RSU1: variants seen among roughly 807,000 people sequenced by gnomAD.
The protein encoded by RSU1 is rsu-1.
In RSU1, 26 loss-of-function variants were observed where a neutral mutation model predicts 31.1. The ratio of observed to expected loss-of-function variants is 0.84; its 90% CI spans 0.61 to 1.16. The LOEUF is 1.16. Among genes scored for constraint, RSU1 ranks in the 50% most tolerant of loss-of-function variants. RSU1 has a pLI of 0.00. For missense variants in RSU1, 320 were observed against 339.1 expected (o/e 0.94, Z 0.44); for synonymous variants, 164 against 136.3 (o/e 1.20, Z -1.41).
At chr10:16,693,980 T>C (rs967252151) in intron 8 of RSU1, among the ~76,000 whole-genome samples, 1 of 152,212 alleles carries the variant, frequency 6.6e-6, no homozygotes, top group African/African-American at 2.4e-5. Flanking sequence ...AAAATTATAC[T>C]AGATCTCAGC....
At chr10:16,614,380 T>A (rs1833941313) in intron 8 of RSU1, among the ~76,000 whole-genome samples, 1 of 151,532 alleles carries the variant, frequency 6.6e-6, no homozygotes, top group African/African-American at 2.4e-5. Flanking sequence ...AGTAGGGGGC[T>A]GGGAGGAAAA....
intron 8 of RSU1, among the ~76,000 whole-genome samples, chr10:16,652,321 T>C (rs928784254): frequency 3.4e-5 from 5 of 145,378 alleles, no homozygotes; most frequent in Non-Finnish European, 7.4e-5. Flanking sequence ...AGGAGGCTGA[T>C]TGAGAAAGAC....
chr10:16,793,523 G>C (rs1303965057), intron 2 of RSU1, among the ~76,000 whole-genome samples: 1 of 152,144 alleles, frequency 6.6e-6, no homozygotes, highest in Non-Finnish European at 1.5e-5. Flanking sequence ...TTAAATTATG[G>C]AGCCCACATC....
intron 8 of RSU1, among the ~76,000 whole-genome samples, chr10:16,616,899 A>G (rs939704150): frequency 2.6e-5 from 4 of 152,152 alleles, no homozygotes; most frequent in South Asian, 2.1e-4. Context: ...ACTCTAGCCA[A>G]TATCATACTG....
intron 2 of RSU1, among the ~76,000 whole-genome samples, chr10:16,794,560 G>A (rs1157247590): frequency 6.6e-6 from 1 of 152,116 alleles, no homozygotes. Context: ...TAGAATGTTG[G>A]AGCCAAAGGA....
intron 7 of RSU1, among the ~76,000 whole-genome samples, chr10:16,733,481 T>A (rs1836559407): frequency 6.6e-6 from 1 of 151,918 alleles, no homozygotes; most frequent in Admixed American, 6.6e-5. Context: ...GCACTCCAGC[T>A]TGGGTGACAG....
chr10:16,677,178 G>C (rs1361622079), intron 8 of RSU1, among the ~76,000 whole-genome samples: 2 of 152,124 alleles, frequency 1.3e-5, no homozygotes, highest in East Asian at 3.9e-4. Flanking sequence ...AAGCAACATG[G>C]AAAATGAGAC....
chr10:16,613,863 C>T (rs1833933423), intron 8 of RSU1, among the ~76,000 whole-genome samples: 2 of 150,114 alleles, frequency 1.3e-5, no homozygotes, highest in Non-Finnish European at 3.0e-5. Context: ...CTGGTGAGTG[C>T]AGAAGACTAA....
At chr10:16,804,980 T>C (rs1838235777) in intron 2 of RSU1, among the ~76,000 whole-genome samples, 1 of 152,170 alleles carries the variant, frequency 6.6e-6, no homozygotes, top group Non-Finnish European at 1.5e-5. Context: ...CTATAAGCTT[T>C]AGTTAATAAT....
chr10:16,616,226 C>G (rs1464423796), intron 8 of RSU1, among the ~76,000 whole-genome samples: 1 of 151,896 alleles, frequency 6.6e-6, no homozygotes, highest in African/African-American at 2.4e-5. Context: ...CTATAAACAC[C>G]TCTACTAAAA....
chr10:16,727,554 A>G (rs1836424160), intron 7 of RSU1, among the ~76,000 whole-genome samples: 2 of 152,132 alleles, frequency 1.3e-5, no homozygotes, highest in Non-Finnish European at 2.9e-5. Flanking sequence ...AAAATATACA[A>G]AATGTCCAAC....
At chr10:16,678,035 G>A (rs1028552500) in intron 8 of RSU1, among the ~76,000 whole-genome samples, 2 of 152,050 alleles carry the variant, frequency 1.3e-5, no homozygotes, top group Admixed American at 6.6e-5. Context: ...AATCCGAAGC[G>A]CATTTCCATC....
chr10:16,750,020 C>G (rs1158255452), intron 7 of RSU1, among the ~76,000 whole-genome samples: 2 of 152,184 alleles, frequency 1.3e-5, no homozygotes, highest in African/African-American at 2.4e-5. Context: ...GCAACCAACT[C>G]TCTCTATGCC....
intron 7 of RSU1, among the ~76,000 whole-genome samples, chr10:16,733,333 TAAAAAAAAA>T (rs569239845): frequency 3.8e-5 from 3 of 79,644 alleles, no homozygotes; most frequent in African/African-American, 1.5e-4. Context: ...TCTACGACAA[TAAAAAAAAA>T]AAAAAAAAAA....
chr10:16,794,930 T>C (rs1387818027), intron 2 of RSU1, among the ~76,000 whole-genome samples: 2 of 152,224 alleles, frequency 1.3e-5, no homozygotes, highest in Non-Finnish European at 2.9e-5. Context: ...ATCACTGGAT[T>C]GTTCTGGAGC....
intron 8 of RSU1, among the ~76,000 whole-genome samples, chr10:16,654,243 TC>T (rs1834733370): frequency 6.6e-6 from 1 of 150,634 alleles, no homozygotes; most frequent in Admixed American, 6.6e-5. Context: ...CCTCAGGTGA[TC>T]AGCTCACCTC....
At chr10:16,642,121 C>G (rs1037293866) in intron 8 of RSU1, among the ~76,000 whole-genome samples, 1 of 152,102 alleles carries the variant, frequency 6.6e-6, no homozygotes, top group Non-Finnish European at 1.5e-5. Flanking sequence ...TGATTTCAGT[C>G]TGATTCTGAT....
At chr10:16,806,480 C>G (rs1438087566) in intron 2 of RSU1, among the ~76,000 whole-genome samples, 1 of 152,182 alleles carries the variant, frequency 6.6e-6, no homozygotes, top group Non-Finnish European at 1.5e-5. Context: ...CTCCTTAAAT[C>G]TGTTTCCTTA....
chr10:16,802,699 G>A (rs1224381816), intron 2 of RSU1, among the ~76,000 whole-genome samples: 1 of 151,334 alleles, frequency 6.6e-6, no homozygotes, highest in East Asian at 1.9e-4. Flanking sequence ...CAATGACCAA[G>A]TGGAACTTAC....
Sources: allele counts gnomAD v4.1 joint callset (sites outside exome capture counted in the v4.1 genomes callset), GRCh38; gene constraint gnomAD v4.1.1; transcripts MANE v1.5; gene names NCBI Gene and HGNC (gene_info 2026-07-23, HGNC 2026-07-21).